Variants in MARCHF3 observed in about 807,000 individuals in gnomAD.
MARCHF3 encodes the protein membrane associated ring-CH-type finger 3.
MARCHF3 carries 13 observed loss-of-function variants against 24.2 expected under a neutral mutation model. That is an observed-to-expected ratio of 0.54 (90% CI 0.35 to 0.85). The LOEUF (loss-of-function observed/expected upper bound fraction) is 0.85. Ranked by LOEUF, MARCHF3 falls within the 40% of genes least tolerant of loss-of-function variation. The pLI is 0.01. For missense variants in MARCHF3, 276 were observed against 325.0 expected (o/e 0.85, Z 1.16); for synonymous variants, 144 against 137.3 (o/e 1.05, Z -0.34).
chr5:126,870,865 A>G, intron 4 of MARCHF3, 74 bp from the exon 5 acceptor site: 2 of 1,570,776 alleles, frequency 1.3e-6, no homozygotes, highest in Non-Finnish European at 1.7e-6. Context: ...CAAGAAACAA[A>G]TATGTCATTT....
At chr5:126,881,312 A>G (rs958606894) in intron 3 of MARCHF3, among the ~76,000 whole-genome samples, 1 of 152,188 alleles carries the variant, frequency 6.6e-6, no homozygotes, top group Admixed American at 6.5e-5. Context: ...GCAGAGCTCC[A>G]AATGTTACTT....
chr5:126,881,007 A>C (rs1167834288), intron 3 of MARCHF3, among the ~76,000 whole-genome samples: 1 of 152,194 alleles, frequency 6.6e-6, no homozygotes, highest in African/African-American at 2.4e-5. Context: ...GAAATGACTT[A>C]GATATGGAAG....
At chr5:126,913,562 G>A (rs1239634376) in intron 3 of MARCHF3, among the ~76,000 whole-genome samples, 2 of 152,232 alleles carry the variant, frequency 1.3e-5, no homozygotes, top group Non-Finnish European at 2.9e-5. Context: ...TGGATGTCAA[G>A]TGGCAAGATG....
intron 1 of MARCHF3, among the ~76,000 whole-genome samples, chr5:126,940,488 C>T (rs1182472264): frequency 1.3e-5 from 2 of 151,832 alleles, no homozygotes; most frequent in Non-Finnish European, 2.9e-5. Context: ...TGCTCTGTTG[C>T]CCGGGCTGGG....
In MARCHF3 at chr5:126,895,910, C is replaced by G. The variant is rs187503858; in HGVS notation, c.394-17516G>C. Among the ~76,000 whole-genome samples, 351 of 152,268 alleles carry G rather than the reference C, an allele frequency of 2.3e-3. 2 individuals are homozygous for G. The highest frequency in any genetic ancestry group is 6.7e-3 in the Admixed American group (102 of 15,260). On this transcript the variant is annotated intron_variant, in intron 3 of 4. Transcript: ENST00000308660. ...GCAGTGGCGGGCGCCCCTCCCCCAGCCTTGCTGTGGCCTTGCAGTTTGATC... is the reference window on the plus strand; with the variant it reads ...GCAGTGGCGGGCGCCCCTCCCCCAGGCTTGCTGTGGCCTTGCAGTTTGATC...
At chr5:126,906,827 C>T (rs1754317130) in intron 3 of MARCHF3, among the ~76,000 whole-genome samples, 1 of 152,022 alleles carries the variant, frequency 6.6e-6, no homozygotes, top group Non-Finnish European at 1.5e-5. Context: ...TTCAGTTCTG[C>T]TCTGATTTTA....
intron 3 of MARCHF3, among the ~76,000 whole-genome samples, chr5:126,895,845 T>G (rs1235555904): frequency 2.6e-5 from 4 of 152,148 alleles, no homozygotes. Flanking sequence ...TCCACCCAGT[T>G]GGAGCTTCCG....
At chr5:126,969,232 G>A (rs1211495183) in intron 1 of MARCHF3, among the ~76,000 whole-genome samples, 1 of 152,170 alleles carries the variant, frequency 6.6e-6, no homozygotes, top group Admixed American at 6.5e-5. Flanking sequence ...GCCTCCAAGA[G>A]TTTAGAAAAA....
chr5:126,979,141 T>C (rs751329245), intron 1 of MARCHF3, among the ~76,000 whole-genome samples: 25 of 152,250 alleles, frequency 1.6e-4, no homozygotes, highest in Non-Finnish European at 3.1e-4. Flanking sequence ...GTCCTATTTA[T>C]GTTTCAACAG....
chr5:126,912,120 T>A (rs1409677169), intron 3 of MARCHF3, among the ~76,000 whole-genome samples: 3 of 152,130 alleles, frequency 2.0e-5, no homozygotes, highest in Non-Finnish European at 4.4e-5. Flanking sequence ...AAAAAAGACT[T>A]CACATAGCAG....
intron 1 of MARCHF3, among the ~76,000 whole-genome samples, chr5:126,991,453 T>A (rs1459818354): frequency 6.6e-6 from 1 of 152,152 alleles, no homozygotes; most frequent in Middle Eastern, 3.2e-3. Context: ...ATGTAAATGA[T>A]GAGTTGATGG....
At chr5:126,896,565 A>G (rs1289104727) in intron 3 of MARCHF3, among the ~76,000 whole-genome samples, 2 of 152,086 alleles carry the variant, frequency 1.3e-5, no homozygotes, top group African/African-American at 2.4e-5. Context: ...ACCATTAAAG[A>G]ACCCAAGTTA....
chr5:126,961,663 T>C (rs972565509), intron 1 of MARCHF3, among the ~76,000 whole-genome samples: 1 of 152,170 alleles, frequency 6.6e-6, no homozygotes, highest in African/African-American at 2.4e-5. Flanking sequence ...CTGGTATTCT[T>C]TGGATCTAAT....
chr5:126,956,642 C>G (rs1293777851), intron 1 of MARCHF3, among the ~76,000 whole-genome samples: 1 of 93,134 alleles, frequency 1.1e-5, no homozygotes, highest in Non-Finnish European at 2.0e-5. Flanking sequence ...GAGGCTCTGT[C>G]TCCAAAAAAA....
Position 126,892,965 on chromosome 5 carries a change from G to T in MARCHF3, c.394-14571C>A, listed in dbSNP as rs541608763. 1.1e-4 allele frequency among the ~76,000 whole-genome samples: 17 copies of T among 151,848 alleles called. No individual in the cohort carries two copies. The South Asian group carries it at 3.4e-3, about 30-fold the overall frequency. On this transcript the variant is annotated intron_variant, in intron 3 of 4. Coordinates refer to ENST00000308660, the MANE Select transcript of MARCHF3 (RefSeq NM_178450.5). Reference sequence around the variant, plus strand: ...GCTATTGATTATTGCCACAATTTCAGATCCTGTTATTGGTCTATTCAGAGA... The same window carrying T: ...GCTATTGATTATTGCCACAATTTCATATCCTGTTATTGGTCTATTCAGAGA...
chr5:127,006,947 C>T (rs1359625890), intron 1 of MARCHF3, among the ~76,000 whole-genome samples: 1 of 151,852 alleles, frequency 6.6e-6, no homozygotes, highest in East Asian at 1.9e-4. Flanking sequence ...CCCTGGAATC[C>T]GTCTCAAGGA....
chr5:126,914,767 AACACACACAC>A (rs58386463), intron 3 of MARCHF3, 153 bp downstream of exon 3: 186 of 484,392 alleles, frequency 3.8e-4, no homozygotes, highest in East Asian at 6.1e-4. Flanking sequence ...CTCTTTCTCA[AACACACACAC>A]ACACACACAC....
Position 126,898,989 on chromosome 5 carries a change from A to C in MARCHF3, c.393+15941T>G, listed in dbSNP as rs912873407. 5 of 985,020 alleles carry C rather than the reference A, an allele frequency of 5.1e-6. No individual in the cohort carries two copies. In the African/African-American group the frequency reaches 8.7e-5, roughly 17 times the overall value. The allele number at this position is 985,020 out of a possible 1,614,324, so 61.0% of individuals were successfully genotyped here. A position where few individuals can be genotyped will look rare whatever the true frequency, so the allele number is the denominator to read the frequency against. Reference sequence around the variant, plus strand: ...TAGTATCCAAACTAAAAGCTTCAAAAGCATATTATTTCTCTTTCGTGTTTT... The same window carrying C: ...TAGTATCCAAACTAAAAGCTTCAAACGCATATTATTTCTCTTTCGTGTTTT... On this transcript the variant is annotated intron_variant, in intron 3 of 4. Coordinates refer to ENST00000308660, the MANE Select transcript of MARCHF3 (RefSeq NM_178450.5).
chr5:127,006,173 A>G (rs1170624071), intron 1 of MARCHF3, among the ~76,000 whole-genome samples: 1 of 150,768 alleles, frequency 6.6e-6, no homozygotes, highest in Non-Finnish European at 1.5e-5. Flanking sequence ...ACTGGACTCC[A>G]GCCTGGGAGA....
Sources: allele counts gnomAD v4.1 joint callset (sites outside exome capture counted in the v4.1 genomes callset), GRCh38; gene constraint gnomAD v4.1.1; transcripts MANE v1.5; gene names NCBI Gene and HGNC (gene_info 2026-07-23, HGNC 2026-07-21).